The following CTNNA3 variants were observed in gnomAD, a reference collection of about 807,000 sequenced individuals.
CTNNA3 encodes the protein catenin alpha 3, also known as catenin alpha-3.
In CTNNA3, 76 loss-of-function variants were observed where a neutral mutation model predicts 95.7. The observed-to-expected ratio is 0.79, with a 90% CI of 0.66 to 0.96. CTNNA3 has a LOEUF of 0.96. Ranked by LOEUF, CTNNA3 falls within the 40% of genes least tolerant of loss-of-function variation. CTNNA3 has a pLI of 0.00. For synonymous variants in CTNNA3, 431 were observed against 374.4 expected, an observed-to-expected ratio of 1.15 and a Z score of -1.74; for missense variants, 1,191 against 1,089.8, an observed-to-expected ratio of 1.09 and a Z score of -1.31.
chr10:67,599,459 T>G (rs190464635), intron 3 of CTNNA3, among the ~76,000 whole-genome samples: 170 of 152,146 alleles, frequency 1.1e-3, no homozygotes, highest in African/African-American at 3.7e-3. Flanking sequence ...AAGGGTGTAA[T>G]GCAACTATCA....
At chr10:67,152,033 T>G (rs1314907917) in intron 7 of CTNNA3, among the ~76,000 whole-genome samples, 1 of 152,214 alleles carries the variant, frequency 6.6e-6, no homozygotes, top group East Asian at 1.9e-4. Flanking sequence ...TTTAGCTCCA[T>G]ATTGTAAGAG....
chr10:67,439,842 T>C (rs961950901), intron 5 of CTNNA3, among the ~76,000 whole-genome samples: 1 of 152,238 alleles, frequency 6.6e-6, no homozygotes. Context: ...ATCCAGGTAA[T>C]ATGCCATGGG....
chr10:67,598,441 C>G (rs1057245841), intron 3 of CTNNA3, among the ~76,000 whole-genome samples: 18 of 152,052 alleles, frequency 1.2e-4, no homozygotes, highest in African/African-American at 4.3e-4. Context: ...ACTTCCTCCC[C>G]CCTTCAGCCC....
chr10:66,728,278 C>G (rs926550924), intron 9 of CTNNA3, among the ~76,000 whole-genome samples: 2 of 152,088 alleles, frequency 1.3e-5, no homozygotes, highest in African/African-American at 4.8e-5. Context: ...CCTGTAAGAC[C>G]AGCCCTGTAT....
intron 5 of CTNNA3, among the ~76,000 whole-genome samples, chr10:67,450,639 G>A (rs1343074429): frequency 6.6e-6 from 1 of 152,092 alleles, no homozygotes; most frequent in East Asian, 1.9e-4. Flanking sequence ...TGAGGGTAGA[G>A]AGTAGGAGGA....
intron 5 of CTNNA3, among the ~76,000 whole-genome samples, chr10:67,341,787 G>T (rs1291469154): frequency 1.3e-5 from 2 of 151,836 alleles, no homozygotes; most frequent in South Asian, 2.1e-4. Context: ...CTCTATAATG[G>T]TTGTACTAAT....
chr10:67,711,854 A>G (rs1408761439), intron 1 of CTNNA3, among the ~76,000 whole-genome samples: 1 of 150,498 alleles, frequency 6.6e-6, no homozygotes, highest in Admixed American at 6.7e-5. Flanking sequence ...TGTTCTTGCG[A>G]TAGTTTACTG....
At chr10:66,817,906 A>G (rs1194238636) in intron 7 of CTNNA3, among the ~76,000 whole-genome samples, 5 of 152,026 alleles carry the variant, frequency 3.3e-5, no homozygotes, top group African/African-American at 9.7e-5. Flanking sequence ...AATATTAGCA[A>G]ACTGTTTCCA....
chr10:67,520,808 G>A (rs897214920), intron 5 of CTNNA3, among the ~76,000 whole-genome samples: 2 of 152,118 alleles, frequency 1.3e-5, no homozygotes, highest in Non-Finnish European at 2.9e-5. Context: ...AGTAATTCTA[G>A]ACCATATCAT....
chr10:67,329,277 A>G (rs1841683435), intron 5 of CTNNA3, among the ~76,000 whole-genome samples: 1 of 152,232 alleles, frequency 6.6e-6, no homozygotes, highest in Non-Finnish European at 1.5e-5. Flanking sequence ...GTGCTGAGGC[A>G]GGAGGATCGC....
intron 16 of CTNNA3, among the ~76,000 whole-genome samples, chr10:65,977,008 A>G (rs1271255717): frequency 6.6e-6 from 1 of 152,208 alleles, no homozygotes; most frequent in Non-Finnish European, 1.5e-5. Flanking sequence ...ATTTAAAAAC[A>G]TCGAACAATG....
At chr10:67,439,602 C>A (rs1846425290) in intron 5 of CTNNA3, among the ~76,000 whole-genome samples, 1 of 152,008 alleles carries the variant, frequency 6.6e-6, no homozygotes, top group South Asian at 2.1e-4. Flanking sequence ...CCCACTAGGC[C>A]CCCCACCTCC....
intron 13 of CTNNA3, among the ~76,000 whole-genome samples, chr10:66,194,847 AATC>A (rs2086869550): frequency 6.6e-6 from 1 of 152,190 alleles, no homozygotes; most frequent in Non-Finnish European, 1.5e-5. Flanking sequence ...TTATGTTGAA[AATC>A]AGGCTCTATC....
Position 67,219,704 on chromosome 10 carries a change from A to G in CTNNA3, c.746T>C (p.Leu249Pro), listed in dbSNP as rs146048212. Residue 249 changes from leucine (L) to proline (P), a missense_variant, in exon 6 of 18, where the codon CTC becomes CCC. Physicochemically the swap from Leu to Pro is moderately conservative, Grantham distance 98. Coordinates refer to ENST00000433211, the MANE Select transcript of CTNNA3 (RefSeq NM_013266.4). Reference sequence around the variant, plus strand: ...TTGTGAAGCATTTGAAATTACATTGAGAGCATTCTGAATTTCTTCACAAAC... The same window carrying G: ...TTGTGAAGCATTTGAAATTACATTGGGAGCATTCTGAATTTCTTCACAAAC... ...DTVCEEIQNA[L>P]NVISNASQGI... 6.2e-7 allele frequency: 1 copy of G among 1,614,100 alleles called. No individual in the cohort carries two copies. The highest frequency in any genetic ancestry group is 1.3e-5 in the African/African-American group (1 of 75,018).
intron 11 of CTNNA3, among the ~76,000 whole-genome samples, chr10:66,513,311 G>A (rs898215680): frequency 2.0e-5 from 3 of 151,970 alleles, no homozygotes; most frequent in African/African-American, 7.3e-5. Context: ...AGGGTGCTTT[G>A]GCTTTGTTTC....
intron 3 of CTNNA3, among the ~76,000 whole-genome samples, chr10:67,584,930 G>T (rs952253360): frequency 6.6e-6 from 1 of 152,166 alleles, no homozygotes; most frequent in Non-Finnish European, 1.5e-5. Context: ...ACAGTATTTG[G>T]GTGGGCGTGT....
intron 15 of CTNNA3, among the ~76,000 whole-genome samples, chr10:66,024,147 C>G (rs1025420969): frequency 7.6e-6 from 1 of 131,372 alleles, no homozygotes; most frequent in Non-Finnish European, 1.5e-5. Flanking sequence ...TGGAGTGCAG[C>G]GGCACAATCT....
chr10:67,402,837 C>A (rs1844973107), intron 5 of CTNNA3, among the ~76,000 whole-genome samples: 1 of 152,172 alleles, frequency 6.6e-6, no homozygotes, highest in Admixed American at 6.5e-5. Context: ...TTACATACCC[C>A]AGCCACAGGA....
At chr10:66,904,225 C>T (rs1192074318) in intron 7 of CTNNA3, among the ~76,000 whole-genome samples, 1 of 152,004 alleles carries the variant, frequency 6.6e-6, no homozygotes, top group Non-Finnish European at 1.5e-5. Context: ...CATCCACAGC[C>T]ATCTGATCTT....
Sources: gnomAD v4.1 joint callset for allele counts (sites outside exome capture counted in the v4.1 genomes callset) on GRCh38, gnomAD v4.1.1 for gene constraint, MANE v1.5 for transcripts, NCBI Gene and HGNC (gene_info 2026-07-23, HGNC 2026-07-21) for gene names.